Variants in PSMA8 observed in about 807,000 individuals in gnomAD.
The protein encoded by PSMA8 is proteasome subunit alpha-type 8.
Under a neutral mutation model 32.4 loss-of-function variants are expected in PSMA8, and 18 were observed. The ratio of observed to expected loss-of-function variants is 0.56; its 90% CI spans 0.38 to 0.82. The LOEUF (loss-of-function observed/expected upper bound fraction) is 0.82, where lower values mean the gene tolerates loss of function less well. Among genes scored for constraint, PSMA8 ranks in the 40% least tolerant of loss-of-function variants. PSMA8 has a pLI of 0.00. For synonymous variants in PSMA8, 104 were observed against 98.1 expected (o/e 1.06, Z -0.36); for missense variants, 298 against 300.7 (o/e 0.99, Z 0.07).
intron 3 of PSMA8, among the ~76,000 whole-genome samples, chr18:26,157,875 C>A (rs2055102713): frequency 6.6e-6 from 1 of 152,014 alleles, no homozygotes; most frequent in Non-Finnish European, 1.5e-5. Flanking sequence ...GTATACAAAG[C>A]AACAAGAAAG....
At chr18:26,146,464 A>G (rs1268980885) in intron 2 of PSMA8, among the ~76,000 whole-genome samples, 1 of 152,186 alleles carries the variant, frequency 6.6e-6, no homozygotes, top group Non-Finnish European at 1.5e-5. Context: ...AGTCTTAATA[A>G]ATATAAAAAC....
intron 2 of PSMA8, among the ~76,000 whole-genome samples, chr18:26,146,626 G>A (rs923690392): frequency 6.6e-6 from 1 of 152,070 alleles, no homozygotes; most frequent in African/African-American, 2.4e-5. Flanking sequence ...AGCTGGGGAT[G>A]GTGGCGTGTG....
intron 4 of PSMA8, among the ~76,000 whole-genome samples, chr18:26,167,828 G>A (rs2055192073): frequency 6.6e-6 from 1 of 151,144 alleles, no homozygotes; most frequent in Non-Finnish European, 1.5e-5. Context: ...TGTGGTTTAT[G>A]CCACCTGGTC....
chr18:26,157,337 G>A (rs1037872169), intron 3 of PSMA8, among the ~76,000 whole-genome samples: 10 of 151,442 alleles, frequency 6.6e-5, no homozygotes, highest in Admixed American at 5.9e-4. Context: ...CAGATCCCCT[G>A]AGGTCAGGAG....
At chr18:26,135,233 T>G (rs1424011026) in intron 1 of PSMA8, among the ~76,000 whole-genome samples, 1 of 152,204 alleles carries the variant, frequency 6.6e-6, no homozygotes, top group Non-Finnish European at 1.5e-5. Flanking sequence ...ACACAAGATC[T>G]ATTACCCCAA....
At chr18:26,187,721 G>T (rs1409246195) in intron 6 of PSMA8, among the ~76,000 whole-genome samples, 1 of 152,140 alleles carries the variant, frequency 6.6e-6, no homozygotes, top group Non-Finnish European at 1.5e-5. Flanking sequence ...GGTCAGTTCA[G>T]CAAGAAGATA....
At chr18:26,162,594 G>C (rs532689114) in intron 4 of PSMA8, among the ~76,000 whole-genome samples, 2 of 152,050 alleles carry the variant, frequency 1.3e-5, no homozygotes, top group African/African-American at 4.8e-5. Context: ...GGCTGGGCGC[G>C]GTGTCTCATG....
intron 4 of PSMA8, among the ~76,000 whole-genome samples, chr18:26,160,641 A>G (rs2055128182): frequency 6.6e-6 from 1 of 152,214 alleles, no homozygotes; most frequent in East Asian, 1.9e-4. Context: ...GCAATGGACT[A>G]TTGAGAACAC....
intron 4 of PSMA8, among the ~76,000 whole-genome samples, chr18:26,166,350 A>T (rs2055179900): frequency 6.6e-6 from 1 of 152,218 alleles, no homozygotes. Flanking sequence ...GCATGGACAC[A>T]TACACTGATG....
At chr18:26,177,756 C>T (rs1016826429) in intron 4 of PSMA8, among the ~76,000 whole-genome samples, 3 of 152,194 alleles carry the variant, frequency 2.0e-5, no homozygotes, top group African/African-American at 7.2e-5. Flanking sequence ...TACCACTATA[C>T]TTATTCTAAA....
At chr18:26,146,541 G>T (rs1438049989) in intron 2 of PSMA8, among the ~76,000 whole-genome samples, 1 of 152,104 alleles carries the variant, frequency 6.6e-6, no homozygotes, top group Non-Finnish European at 1.5e-5. Context: ...GAGGCAGGCA[G>T]ATCATTTGAG....
intron 4 of PSMA8, chr18:26,170,586 A>T: frequency 1.6e-6 from 1 of 623,120 alleles, no homozygotes; most frequent in South Asian, 2.0e-5. Context: ...TGATAGAGAC[A>T]AGAGTAGTGG....
At chr18:26,147,290 G>A (rs1072905) in intron 2 of PSMA8, among the ~76,000 whole-genome samples, 24,283 of 148,906 alleles carry the variant, frequency 0.16, 3,760 homozygotes, top group African/African-American at 0.4. Context: ...CTAGAAATTA[G>A]TAGTGGAAGG....
intron 4 of PSMA8, among the ~76,000 whole-genome samples, chr18:26,169,046 A>G (rs2144326990): frequency 7.6e-6 from 1 of 131,332 alleles, no homozygotes; most frequent in East Asian, 2.2e-4. Context: ...CAGTGGCACA[A>G]TCACGACTCA....
intron 3 of PSMA8, among the ~76,000 whole-genome samples, chr18:26,155,319 T>TA (rs1295792351): frequency 6.6e-6 from 1 of 152,134 alleles, no homozygotes; most frequent in African/African-American, 2.4e-5. Context: ...TATACCTAGG[T>TA]GTGAACTAGG....
Sources: gnomAD v4.1 joint callset for allele counts (sites outside exome capture counted in the v4.1 genomes callset) on GRCh38, gnomAD v4.1.1 for gene constraint, MANE v1.5 for transcripts, NCBI Gene and HGNC (gene_info 2026-07-23, HGNC 2026-07-21) for gene names.